ARHGEF17: variants seen among roughly 807,000 people sequenced by gnomAD.
ARHGEF17 encodes Rho guanine nucleotide exchange factor 17.
Under a neutral mutation model 174.0 loss-of-function variants are expected in ARHGEF17, and 80 were observed. The ratio of observed to expected loss-of-function variants is 0.46; its 90% CI spans 0.38 to 0.55. The LOEUF (loss-of-function observed/expected upper bound fraction) is 0.55, where lower values mean the gene tolerates loss of function less well. Ranked by LOEUF, ARHGEF17 falls within the 20% of genes least tolerant of loss-of-function variation. The pLI, the probability that ARHGEF17 is intolerant of heterozygous loss-of-function variation, is 0.00. For synonymous variants in ARHGEF17, 1,311 were observed against 1,189.1 expected (o/e 1.10, Z -2.11); for missense variants, 2,886 against 2,839.7 (o/e 1.02, Z -0.37).
At position 73,361,091 on chromosome 11, in the gene ARHGEF17, C is replaced by T; in HGVS notation, c.4424C>T (p.Ser1475Phe). Residue 1475 changes from serine to phenylalanine, a missense_variant, in exon 12 of 21, where the codon TCC becomes TTC. By Grantham distance (155) the Ser-to-Phe change is radical (BLOSUM62 -2). Transcript: ENST00000263674. ...AFDEAKRKLASSKSCLDPEFL... is the reference protein window; with the variant it reads ...AFDEAKRKLAFSKSCLDPEFL... ...TGTCTGTCCATCTCCACTACAGCAT[C>T]CAGCAAAAGCTGTCTAGACCCTGAG... The T allele has an allele frequency of 6.2e-7, 1 of 1,613,942 alleles. No individual in the cohort carries two copies. Among genetic ancestry groups the T allele is most frequent in the Non-Finnish European group, 8.5e-7 (1 of 1,179,870 alleles).
Position 73,363,430 on chromosome 11 carries a change from G to C in ARHGEF17, c.5221G>C (p.Val1741Leu). 6.2e-7 allele frequency: 1 copy of C among 1,613,194 alleles called. No homozygotes were observed. The highest frequency in any genetic ancestry group is 1.3e-5 in the African/African-American group (1 of 75,034). The change falls in exon 15 of 21, where the codon GTG becomes CTG. Residue 1741 changes from valine to leucine, a missense_variant. Physicochemically the swap from Val to Leu is conservative, Grantham distance 32. Transcript: ENST00000263674. ...CGACCCTGAGGCCTACCAGAGCTCC[G>C]TGTGGCTGGGCACTGAGGATGGCTG... ...SVDPEAYQSS[V>L]WLGTEDGCVH...
intron 3 of ARHGEF17, among the ~76,000 whole-genome samples, chr11:73,355,256 G>C (rs1865617177): frequency 6.6e-6 from 1 of 152,212 alleles, no homozygotes; most frequent in Non-Finnish European, 1.5e-5. Flanking sequence ...GAGAGAACCA[G>C]GTCTGAGCTC....
At chr11:73,316,017 C>G (rs1367277467) in intron 1 of ARHGEF17, among the ~76,000 whole-genome samples, 2 of 151,844 alleles carry the variant, frequency 1.3e-5, no homozygotes, top group African/African-American at 4.8e-5. Context: ...TCCTGGGAGC[C>G]GAGGCACACA....
intron 1 of ARHGEF17, among the ~76,000 whole-genome samples, chr11:73,324,084 G>A (rs943406456): frequency 6.6e-6 from 1 of 152,212 alleles, no homozygotes; most frequent in South Asian, 2.1e-4. Context: ...ACTGGTCTTA[G>A]GAAAACGGCC....
chr11:73,322,267 G>C (rs1302843656), intron 1 of ARHGEF17, among the ~76,000 whole-genome samples: 3 of 152,238 alleles, frequency 2.0e-5, no homozygotes. Context: ...GATGGGGCCT[G>C]GTGATGAGAT....
intron 1 of ARHGEF17, among the ~76,000 whole-genome samples, chr11:73,330,064 C>G (rs1865180993): frequency 6.6e-6 from 1 of 152,170 alleles, no homozygotes; most frequent in Non-Finnish European, 1.5e-5. Context: ...CATATGGATT[C>G]CCGTTTCTGT....
At chr11:73,318,167 A>G (rs1864957932) in intron 1 of ARHGEF17, among the ~76,000 whole-genome samples, 1 of 152,158 alleles carries the variant, frequency 6.6e-6, no homozygotes, top group Non-Finnish European at 1.5e-5. Context: ...AGGCAGGTTC[A>G]GAGTGGTGCC....
Position 73,362,426 on chromosome 11 carries a change from C to G in ARHGEF17, c.4695-7C>G. 6.5e-7 allele frequency: 1 copy of G among 1,543,042 alleles called. No individual in the cohort carries two copies. On this transcript the variant is annotated splice_region_variant and splice_polypyrimidine_tract_variant and intron_variant, in intron 13 of 20. Transcript: ENST00000263674. Reference sequence around the variant, plus strand: ...GCTGCTGTCATCCTCACTCCGTCTTCTCGCAGGGAGCCTCCTCCGTCGCTG... The same window carrying G: ...GCTGCTGTCATCCTCACTCCGTCTTGTCGCAGGGAGCCTCCTCCGTCGCTG...
At chr11:73,320,282 C>T (rs1210737508) in intron 1 of ARHGEF17, among the ~76,000 whole-genome samples, 7 of 152,032 alleles carry the variant, frequency 4.6e-5, no homozygotes, top group African/African-American at 7.2e-5. Context: ...CCTACTCCCC[C>T]GAGGCTGTAG....
chr11:73,367,734 T>C lies in ARHGEF17; in HGVS notation c.6146T>C (p.Val2049Ala). The C allele has an allele frequency of 1.2e-6, 2 of 1,614,024 alleles. No homozygotes were observed. The highest frequency in any genetic ancestry group is 1.1e-5 in the South Asian group (1 of 91,080). The change falls in exon 21 of 21, where the codon GTG becomes GCG. Residue 2049 changes from valine to alanine, a missense_variant. This residue lies in a region of ARHGEF17 where 329 missense variants were observed against 435.2 expected (regional missense o/e 0.76). Transcript: ENST00000263674. ...GGGGGCGGCAGCAGCAGTGAGACTG[T>C]GGGTCGAGACGACAGCACAAACCAC... The part of the protein sequence containing the change: ...SSGGGSSSET[V>A]GRDDSTNHLL...
intron 1 of ARHGEF17, among the ~76,000 whole-genome samples, chr11:73,333,771 G>C (rs1451538922): frequency 6.6e-6 from 1 of 152,160 alleles, no homozygotes; most frequent in Non-Finnish European, 1.5e-5. Flanking sequence ...AAGCTACAGT[G>C]GGAGAGCTCC....
chr11:73,314,393 G>A (rs1177104553), intron 1 of ARHGEF17, among the ~76,000 whole-genome samples: 1 of 152,140 alleles, frequency 6.6e-6, no homozygotes, highest in Non-Finnish European at 1.5e-5. Context: ...GTGTGGTGTT[G>A]CCCCCATTGC....
At chr11:73,364,039 C>A (rs1865795082) in intron 16 of ARHGEF17, 133 bp from the exon 17 acceptor site, 3 of 1,102,162 alleles carry the variant, frequency 2.7e-6, no homozygotes, top group South Asian at 2.8e-5. Flanking sequence ...AGGCAACCCC[C>A]ACCTGGAGAA....
chr11:73,309,601 A>C lies in ARHGEF17; in HGVS notation c.963A>C (p.Ala321=), dbSNP rs1215701740. ...TAAATCTAAGCAGCATGAACTCAGC[A>C]GGGGTTTCTGGGAGCCCTGAGCCCC... ...DGLNLSSMNS[A]GVSGSPEPPT... is the part of the protein sequence containing the mutation. Residue 321 remains alanine, a synonymous_variant, in exon 1 of 21, where the codon GCA becomes GCC. Coordinates refer to ENST00000263674, the MANE Select transcript of ARHGEF17 (RefSeq NM_014786.4). 19 of 1,613,016 alleles carry C rather than the reference A, an allele frequency of 1.2e-5. No homozygotes were observed. The highest frequency in any genetic ancestry group is 1.6e-5 in the Non-Finnish European group (19 of 1,179,976).
intron 1 of ARHGEF17, chr11:73,342,976 C>G (rs1205891794): frequency 1.4e-5 from 3 of 213,396 alleles, no homozygotes; most frequent in Non-Finnish European, 2.8e-5. Context: ...CCGCAGCGCT[C>G]AGATCGACGC....
Position 73,311,165 on chromosome 11 carries a change from G to C in ARHGEF17, c.2527G>C (p.Glu843Gln). Residue 843 changes from glutamate (E) to glutamine (Q), a missense_variant, in exon 1 of 21, where the codon GAG (glutamate) becomes CAG (glutamine). Transcript: ENST00000263674. ...RRGELAGPGF[E>Q]GPGGEPIREV... ...TGGGGAGCTGGCTGGGCCTGGATTCGAGGGCCCTGGAGGGGAGCCCATCCG... is the reference window on the plus strand; with the variant it reads ...TGGGGAGCTGGCTGGGCCTGGATTCCAGGGCCCTGGAGGGGAGCCCATCCG... The C allele has an allele frequency of 1.3e-6, 2 of 1,592,120 alleles. No individual in the cohort carries two copies. Among genetic ancestry groups the C allele is most frequent in the Admixed American group, 1.7e-5 (1 of 57,920 alleles).
intron 1 of ARHGEF17, among the ~76,000 whole-genome samples, chr11:73,335,646 G>A (rs1396314506): frequency 1.3e-5 from 2 of 152,114 alleles, no homozygotes; most frequent in Non-Finnish European, 2.9e-5. Context: ...ACCTGTGGGC[G>A]TCTGGTGGAA....
intron 1 of ARHGEF17, among the ~76,000 whole-genome samples, chr11:73,326,951 G>A (rs964892633): frequency 6.6e-6 from 1 of 152,164 alleles, no homozygotes; most frequent in Non-Finnish European, 1.5e-5. Context: ...GATGGGAGGC[G>A]TTAGAGTGAG....
chr11:73,360,670 G>A (rs1200821616), intron 11 of ARHGEF17, 137 bp downstream of exon 11: 5 of 879,282 alleles, frequency 5.7e-6, no homozygotes, highest in Middle Eastern at 2.3e-4. Context: ...GGGGAGGGGG[G>A]CTTCTGCAGT....
Sources: allele counts gnomAD v4.1 joint callset (sites outside exome capture counted in the v4.1 genomes callset), GRCh38; gene constraint gnomAD v4.1.1; regional missense constraint gnomAD v4.1.1; transcripts MANE v1.5; gene names NCBI Gene and HGNC (gene_info 2026-07-23, HGNC 2026-07-21).